The following APOBEC3F variants were observed in gnomAD, a reference collection of about 807,000 sequenced individuals.
The protein encoded by APOBEC3F is DNA dC->dU-editing enzyme APOBEC-3F.
In APOBEC3F, 34 loss-of-function variants were observed where a neutral mutation model predicts 45.8. That is an observed-to-expected ratio of 0.74 (90% CI 0.57 to 0.99). The LOEUF is 0.99. Ranked by LOEUF, APOBEC3F falls within the 50% of genes least tolerant of loss-of-function variation. APOBEC3F has a pLI of 0.00. For missense variants in APOBEC3F, 459 were observed against 474.1 expected (o/e 0.97, Z 0.30); for synonymous variants, 192 against 174.4 (o/e 1.10, Z -0.80).
At chr22:39,052,448 G>A in intron 6 of APOBEC3F, 95 bp downstream of exon 6, 2 of 1,577,750 alleles carry the variant, frequency 1.3e-6, no homozygotes, top group Admixed American at 1.7e-5. Flanking sequence ...AGTGTCCCGG[G>A]AAGCCTGCAG....
At chr22:39,047,087 C>G (rs1163159887) in intron 4 of APOBEC3F, among the ~76,000 whole-genome samples, 17 of 152,024 alleles carry the variant, frequency 1.1e-4, no homozygotes, top group Non-Finnish European at 2.4e-4. Context: ...CAGGGAACAA[C>G]TCTGGGCAGG....
rs927975703 is a variant in APOBEC3F at position 39,054,545 on chromosome 22, C to T, written c.*1850C>T. Reference sequence around the variant, plus strand: ...TGGCCAGGCTTAGGCTGGTCTTAAACTCCTGACCTCAAGTGATCCAACCTC... The same window carrying T: ...TGGCCAGGCTTAGGCTGGTCTTAAATTCCTGACCTCAAGTGATCCAACCTC... On this transcript the variant is annotated 3_prime_UTR_variant, in exon 7 of 7. Coordinates refer to ENST00000308521, the MANE Select transcript of APOBEC3F (RefSeq NM_145298.6). Among the ~76,000 whole-genome samples, 1 of 152,116 alleles carries T rather than the reference C, an allele frequency of 6.6e-6. No homozygotes were observed. Among genetic ancestry groups the T allele is most frequent in the African/African-American group, 2.4e-5 (1 of 41,418 alleles).
chr22:39,052,032 C>T (rs753062298), intron 5 of APOBEC3F, 42 bp from the exon 6 acceptor site: 3 of 1,607,748 alleles, frequency 1.9e-6, no homozygotes, highest in African/African-American at 1.3e-5. Context: ...TCCTCCTGCT[C>T]CTAGTCTGAG....
chr22:39,048,344 CATA>C (rs1246696301), intron 4 of APOBEC3F, among the ~76,000 whole-genome samples: 1 of 152,196 alleles, frequency 6.6e-6, no homozygotes, highest in East Asian at 1.9e-4. Context: ...GCCTCAGGCA[CATA>C]CCATGAGCTC....
At chr22:39,041,571 T>C (rs1426103959) in intron 1 of APOBEC3F, among the ~76,000 whole-genome samples, 5 of 151,926 alleles carry the variant, frequency 3.3e-5, no homozygotes. Context: ...ACGAGTAACA[T>C]GGAATATAGT....
At position 39,043,082 on chromosome 22, in the gene APOBEC3F, C is replaced by A. The variant is rs773563808; in HGVS notation, c.163C>A (p.Arg55=). ...GCCCCGTTTGGACGCAAAGATCTTTCGAGGCCAGGTACCACCCGGACTTCA... is the reference window on the plus strand; with the variant it reads ...GCCCCGTTTGGACGCAAAGATCTTTAGAGGCCAGGTACCACCCGGACTTCA... ...SRPRLDAKIF[R]GQVYSQPEHH... The change falls in exon 2 of 7, where the codon CGA becomes AGA. Residue 55 remains arginine, a synonymous_variant. Coordinates refer to ENST00000308521, the MANE Select transcript of APOBEC3F (RefSeq NM_145298.6). The A allele has an allele frequency of 7.4e-6, 12 of 1,614,078 alleles. No individual in the cohort carries two copies. The highest frequency in any genetic ancestry group is 1.0e-5 in the Non-Finnish European group (12 of 1,179,998).
At chr22:39,045,351 C>T in intron 3 of APOBEC3F, 77 bp from the exon 4 acceptor site, 1 of 1,608,734 alleles carries the variant, frequency 6.2e-7, no homozygotes, top group South Asian at 1.1e-5. Flanking sequence ...CAGCAACTGA[C>T]AGCCAGGAGA....
chr22:39,052,034 T>C (rs1480963244), intron 5 of APOBEC3F, 40 bp from the exon 6 acceptor site: 1 of 1,607,992 alleles, frequency 6.2e-7, no homozygotes, highest in African/African-American at 1.3e-5. Context: ...CTCCTGCTCC[T>C]AGTCTGAGCT....
chr22:39,050,869 T>C (rs1203648511), intron 5 of APOBEC3F, among the ~76,000 whole-genome samples: 1 of 152,130 alleles, frequency 6.6e-6, no homozygotes, highest in Non-Finnish European at 1.5e-5. Context: ...GGATGCCCGG[T>C]TAACGGATGC....
intron 5 of APOBEC3F, among the ~76,000 whole-genome samples, chr22:39,051,660 A>G (rs1336342468): frequency 6.6e-6 from 1 of 152,050 alleles, no homozygotes; most frequent in African/African-American, 2.4e-5. Flanking sequence ...AATGAGAAGT[A>G]AAGAAAATAA....
chr22:39,045,125 C>T lies in APOBEC3F; in HGVS notation c.356C>T (p.Ala119Val). Residue 119 changes from alanine (A) to valine (V), a missense_variant, in exon 3 of 7, where the codon GCC becomes GTC. Ala to Val is a moderately conservative substitution (Grantham distance 64). Transcript: ENST00000308521. ...CCCAATGTCACCCTGACCATCTCCG[C>T]CGCCCGCCTCTACTACTACTGGGAA... is the stretch of plus-strand genomic sequence containing the variant. ...EHPNVTLTIS[A>V]ARLYYYWERD... 1 of 1,614,118 alleles carries T rather than the reference C, an allele frequency of 6.2e-7. No homozygotes were observed. Among genetic ancestry groups the T allele is most frequent in the Non-Finnish European group, 8.5e-7 (1 of 1,179,998 alleles).
At chr22:39,050,368 T>C (rs2899311) in intron 5 of APOBEC3F, among the ~76,000 whole-genome samples, 1,885 of 147,460 alleles carry the variant, frequency 0.013, 23 homozygotes, top group Non-Finnish European at 0.018. Context: ...ACCCACCCTG[T>C]CGTGTCCCAC....
Position 39,053,032 on chromosome 22 carries a change from A to T in APOBEC3F, c.*337A>T, listed in dbSNP as rs1489265283. 5.2e-6 allele frequency: 1 copy of T among 191,122 alleles called. No individual in the cohort carries two copies. The highest frequency in any genetic ancestry group is 1.0e-5 in the Non-Finnish European group (1 of 96,712). 11.8% of individuals were successfully genotyped at this position (191,122 alleles called of 1,614,324 possible). A position where few individuals can be genotyped will look rare whatever the true frequency, so the allele number is the denominator to read the frequency against. ...GACGGAATTTCGCTCTGTCACCCAGACTGGAGTGCAATGGCTTGATCTTGG... is the reference window on the plus strand; with the variant it reads ...GACGGAATTTCGCTCTGTCACCCAGTCTGGAGTGCAATGGCTTGATCTTGG... On this transcript the variant is annotated 3_prime_UTR_variant, in exon 7 of 7. Coordinates refer to ENST00000308521, the MANE Select transcript of APOBEC3F (RefSeq NM_145298.6).
At chr22:39,052,543 G>A (rs769865548) in intron 6 of APOBEC3F, 34 bp from the exon 7 acceptor site, 3 of 1,597,538 alleles carry the variant, frequency 1.9e-6, no homozygotes, top group Non-Finnish European at 2.6e-6. Context: ...GAAGCCTGCT[G>A]GGCCCTCACT....
intron 1 of APOBEC3F, 66 bp from the exon 2 acceptor site, chr22:39,042,871 G>T: frequency 1.9e-6 from 3 of 1,591,764 alleles, no homozygotes; most frequent in Non-Finnish European, 2.6e-6. Context: ...GTGTTTAGTG[G>T]ACATCAGCCC....
chr22:39,043,309 T>C (rs1370731752), intron 2 of APOBEC3F, among the ~76,000 whole-genome samples: 1 of 150,906 alleles, frequency 6.6e-6, no homozygotes, highest in African/African-American at 2.4e-5. Flanking sequence ...TTTTTTTTTT[T>C]TTTTTTTTGA....
At chr22:39,049,605 C>G in intron 5 of APOBEC3F, 24 bp downstream of exon 5, 5 of 1,612,502 alleles carry the variant, frequency 3.1e-6, no homozygotes, top group Non-Finnish European at 4.2e-6. Flanking sequence ...CCTATTTACA[C>G]CCCAAATAGG....
In APOBEC3F at chr22:39,045,213, C is replaced by T. The variant is rs201454313; in HGVS notation, c.444C>T (p.Asp148=). The T allele has an allele frequency of 1.5e-5, 24 of 1,613,928 alleles. No individual in the cohort carries two copies. The East Asian group carries it at 2.7e-4, about 18-fold the overall frequency. Residue 148 remains aspartate (D), a synonymous_variant, in exon 3 of 7, where the codon GAC becomes GAT. Transcript: ENST00000308521. ...SQAGARVKIM[D]DEEFAYCWEN... is the part of the protein sequence containing the mutation. ...CAGGGGCCCGCGTGAAGATTATGGACGATGAAGGTGAGAGGTGGAGGGGTC... is the reference window on the plus strand; with the variant it reads ...CAGGGGCCCGCGTGAAGATTATGGATGATGAAGGTGAGAGGTGGAGGGGTC...
chr22:39,047,310 A>G lies in APOBEC3F; in HGVS notation c.566+1768A>G, dbSNP rs552042626. Among the ~76,000 whole-genome samples, 19 of 152,252 alleles carry G rather than the reference A, an allele frequency of 1.2e-4. 1 individual carries two copies. Among genetic ancestry groups the G allele is most frequent in the South Asian group, 4.1e-4 (2 of 4,826 alleles). ...ATGATTCCTGAGGGCAGGATCCAGG[A>G]GTCCCTCTGGAGGTCCTCCCATCCA... On this transcript the variant is annotated intron_variant, in intron 4 of 6. Transcript: ENST00000308521.
Sources: gnomAD v4.1 joint callset for allele counts (sites outside exome capture counted in the v4.1 genomes callset) on GRCh38, gnomAD v4.1.1 for gene constraint, MANE v1.5 for transcripts, NCBI Gene and HGNC (gene_info 2026-07-23, HGNC 2026-07-21) for gene names.